Variants in CNTN4 observed in about 807,000 individuals in gnomAD.
CNTN4 encodes contactin 4.
In CNTN4, 77 loss-of-function variants were observed where a neutral mutation model predicts 122.5. The observed-to-expected ratio is 0.63, with a 90% CI of 0.52 to 0.76. The LOEUF is 0.76. Ranked by LOEUF, CNTN4 falls within the 30% of genes least tolerant of loss-of-function variation. The pLI is 0.00. For synonymous variants in CNTN4, 512 were observed against 447.0 expected, an observed-to-expected ratio of 1.15 and a Z score of -1.83; for missense variants, 1,256 against 1,259.1, an observed-to-expected ratio of 1.00 and a Z score of 0.04.
chr3:2,741,658 C>T (rs1389437529), intron 5 of CNTN4, among the ~76,000 whole-genome samples: 1 of 152,208 alleles, frequency 6.6e-6, no homozygotes, highest in Non-Finnish European at 1.5e-5. Context: ...GAAGCAACGG[C>T]TGTTAGGTAC....
At position 2,552,671 on chromosome 3, in the gene CNTN4, A is replaced by G. The variant is rs560785939; in HGVS notation, c.-88-18745A>G. On this transcript the variant is annotated intron_variant, in intron 3 of 24. Coordinates refer to ENST00000418658, the MANE Select transcript of CNTN4 (RefSeq NM_175607.3). ...AGAAAAGTTATCTCTTTGGAAGGTG[A>G]GCTGGGTATCAAAGAGAGGAGACTT... 2.0e-5 allele frequency among the ~76,000 whole-genome samples: 3 copies of G among 152,282 alleles called. No individual in the cohort carries two copies. In the East Asian group the frequency reaches 5.8e-4, roughly 29 times the overall value.
chr3:2,587,031 C>T (rs984357138), intron 4 of CNTN4, among the ~76,000 whole-genome samples: 1 of 152,112 alleles, frequency 6.6e-6, no homozygotes, highest in Non-Finnish European at 1.5e-5. Flanking sequence ...TGCCTTCAAA[C>T]CCCAGCTGTT....
intron 2 of CNTN4, among the ~76,000 whole-genome samples, chr3:2,307,798 G>T (rs2042772778): frequency 7.5e-6 from 1 of 133,802 alleles, no homozygotes; most frequent in Admixed American, 7.3e-5. Context: ...TGAATAATCT[G>T]TTGTGGTCAT....
At chr3:2,916,549 CAGA>C (rs1336025075) in intron 12 of CNTN4, among the ~76,000 whole-genome samples, 1 of 141,614 alleles carries the variant, frequency 7.1e-6, no homozygotes, top group African/African-American at 2.6e-5. Context: ...CATCCCAAGG[CAGA>C]AGAATTTTTC....
chr3:2,874,060 G>C (rs958912742), intron 8 of CNTN4, among the ~76,000 whole-genome samples: 3 of 152,186 alleles, frequency 2.0e-5, no homozygotes, highest in Admixed American at 1.3e-4. Context: ...GAGATATTTT[G>C]CTAAACTGCC....
chr3:2,628,141 C>T (rs183189284), intron 4 of CNTN4, among the ~76,000 whole-genome samples: 3 of 152,282 alleles, frequency 2.0e-5, no homozygotes, highest in South Asian at 2.1e-4. Flanking sequence ...TTTTTCCTCC[C>T]GCATTACCTT....
chr3:2,798,850 A>G (rs1356718135), intron 6 of CNTN4, among the ~76,000 whole-genome samples: 1 of 151,972 alleles, frequency 6.6e-6, no homozygotes, highest in Non-Finnish European at 1.5e-5. Flanking sequence ...TCCTTTGATT[A>G]TATACCCGGT....
intron 6 of CNTN4, among the ~76,000 whole-genome samples, chr3:2,774,085 A>G (rs1273926220): frequency 6.6e-6 from 1 of 151,940 alleles, no homozygotes; most frequent in Non-Finnish European, 1.5e-5. Context: ...TTTGACCAAG[A>G]CAAATATTAG....
chr3:2,472,641 G>A (rs541491788), intron 3 of CNTN4, among the ~76,000 whole-genome samples: 6 of 152,284 alleles, frequency 3.9e-5, no homozygotes, highest in African/African-American at 9.6e-5. Context: ...AAAAAGGAAA[G>A]AGGCAGAGGC....
At chr3:2,190,806 G>GCACACACACA (rs34364522) in intron 2 of CNTN4, among the ~76,000 whole-genome samples, 6 of 147,614 alleles carry the variant, frequency 4.1e-5, no homozygotes, top group African/African-American at 1.0e-4. Flanking sequence ...AGGACTTTAT[G>GCACACACACA]CACACACACA....
intron 3 of CNTN4, among the ~76,000 whole-genome samples, chr3:2,475,572 A>G (rs2075813688): frequency 6.6e-6 from 1 of 152,156 alleles, no homozygotes; most frequent in Admixed American, 6.5e-5. Context: ...AGATGTTTAA[A>G]TCTTCCTGTA....
chr3:2,782,944 T>C (rs985574734), intron 6 of CNTN4, among the ~76,000 whole-genome samples: 1 of 152,128 alleles, frequency 6.6e-6, no homozygotes, highest in Non-Finnish European at 1.5e-5. Context: ...TACTTAGCTA[T>C]GTCAGGGATC....
intron 4 of CNTN4, among the ~76,000 whole-genome samples, chr3:2,710,772 A>G (rs2087097302): frequency 6.6e-6 from 1 of 152,224 alleles, no homozygotes; most frequent in Non-Finnish European, 1.5e-5. Flanking sequence ...ATGCTTTCTG[A>G]GTGATAGTTT....
intron 3 of CNTN4, among the ~76,000 whole-genome samples, chr3:2,411,224 G>A (rs2047215638): frequency 6.6e-6 from 1 of 151,958 alleles, no homozygotes; most frequent in Non-Finnish European, 1.5e-5. Flanking sequence ...ATGCATGCAG[G>A]GCTTAATACT....
chr3:2,722,959 AT>A (rs1316675365), intron 4 of CNTN4, among the ~76,000 whole-genome samples: 2 of 152,222 alleles, frequency 1.3e-5, no homozygotes, highest in Non-Finnish European at 2.9e-5. Flanking sequence ...CATATGATGA[AT>A]CACATTTATC....
At chr3:2,455,254 C>A (rs971304091) in intron 3 of CNTN4, among the ~76,000 whole-genome samples, 1 of 152,072 alleles carries the variant, frequency 6.6e-6, no homozygotes, top group African/African-American at 2.4e-5. Context: ...AATCATCAAG[C>A]TGTGTTTGGC....
At chr3:2,180,561 T>G (rs1395141504) in intron 2 of CNTN4, among the ~76,000 whole-genome samples, 1 of 152,082 alleles carries the variant, frequency 6.6e-6, no homozygotes, top group Non-Finnish European at 1.5e-5. Flanking sequence ...GCAAGAAAGT[T>G]ACTGATTAGT....
chr3:2,499,305 A>G (rs1205701149), intron 3 of CNTN4, among the ~76,000 whole-genome samples: 2 of 152,186 alleles, frequency 1.3e-5, no homozygotes, highest in African/African-American at 2.4e-5. Context: ...TCCTTCTGCT[A>G]TTATATTGCT....
At chr3:2,170,310 A>T (rs2036443395) in intron 2 of CNTN4, among the ~76,000 whole-genome samples, 1 of 151,978 alleles carries the variant, frequency 6.6e-6, no homozygotes, top group South Asian at 2.1e-4. Context: ...ACACACCAAG[A>T]CTCCGTCTCA....
Sources: allele counts gnomAD v4.1 joint callset (sites outside exome capture counted in the v4.1 genomes callset), GRCh38; gene constraint gnomAD v4.1.1; transcripts MANE v1.5; gene names NCBI Gene and HGNC (gene_info 2026-07-23, HGNC 2026-07-21).